Variants in SENP2 observed in about 807,000 individuals in gnomAD.
The protein encoded by SENP2 is SUMO specific peptidase 2, also known as sentrin-specific protease 2.
Under a neutral mutation model 86.3 loss-of-function variants are expected in SENP2, and 16 were observed. The observed-to-expected ratio is 0.19, with a 90% CI of 0.13 to 0.28. The LOEUF is 0.28. Among genes scored for constraint, SENP2 ranks in the 10% least tolerant of loss-of-function variants. SENP2 has a pLI of 1.00. For missense variants in SENP2, 552 were observed against 703.0 expected (o/e 0.79, Z 2.43); for synonymous variants, 222 against 238.7 (o/e 0.93, Z 0.64).
At position 185,586,475 on chromosome 3, in the gene SENP2, C is replaced by A. The variant is rs1307280835; in HGVS notation, c.62C>A (p.Pro21His). The A allele has an allele frequency of 2.5e-6, 4 of 1,613,890 alleles. No homozygotes were observed. The highest frequency in any genetic ancestry group is 3.4e-6 in the Non-Finnish European group (4 of 1,180,010). Residue 21 changes from proline to histidine, a missense_variant, in exon 1 of 17, where the codon CCC becomes CAC. Physicochemically the swap from Pro to His is moderately conservative, Grantham distance 77. This residue lies in a region of SENP2 where 383 missense variants were observed against 427.3 expected (regional missense o/e 0.90). Coordinates refer to ENST00000296257, the MANE Select transcript of SENP2 (RefSeq NM_021627.3). The surrounding 1 kb of genome is among the most constrained non-coding windows in gnomAD (Gnocchi z 4.3). ...TTCCGTTTCTGCGACCGGTCGGTGC[C>A]CCCTGCCCGGGCCCTCCTGAAGAGG... Reference protein sequence around the residue: ...TIFRFCDRSVPPARALLKRRR... With the variant: ...TIFRFCDRSVHPARALLKRRR...
intron 6 of SENP2, among the ~76,000 whole-genome samples, chr3:185,607,818 G>A (rs962362949): frequency 1.3e-5 from 2 of 152,148 alleles, no homozygotes; most frequent in Admixed American, 6.5e-5. Context: ...GAGCCACCGC[G>A]TCCAGTCATA....
chr3:185,629,643 G>T, intron 16 of SENP2, 139 bp from the exon 17 acceptor site: 4 of 745,286 alleles, frequency 5.4e-6, no homozygotes, highest in Non-Finnish European at 9.2e-6. Context: ...GGTTTTATAA[G>T]TATGTTCCAT....
intron 16 of SENP2, among the ~76,000 whole-genome samples, chr3:185,628,790 G>A (rs928645476): frequency 6.6e-6 from 1 of 152,342 alleles, no homozygotes; most frequent in East Asian, 1.9e-4. Flanking sequence ...ACAGGCGTGA[G>A]CCACCGCGCC....
intron 13 of SENP2, among the ~76,000 whole-genome samples, chr3:185,619,878 C>T (rs1287389484): frequency 6.6e-6 from 1 of 151,816 alleles, no homozygotes; most frequent in Admixed American, 6.6e-5. Context: ...CAGGCATGGT[C>T]CACCATGCTT....
intron 1 of SENP2, among the ~76,000 whole-genome samples, chr3:185,587,956 GTCTT>G (rs1721849962): frequency 6.9e-6 from 1 of 145,394 alleles, no homozygotes; most frequent in African/African-American, 2.6e-5. Flanking sequence ...GGCCAGGCTA[GTCTT>G]GAACTCCTGA....
chr3:185,587,648 G>A (rs1287312220), intron 1 of SENP2, among the ~76,000 whole-genome samples: 1 of 140,222 alleles, frequency 7.1e-6, no homozygotes, highest in Admixed American at 7.7e-5. Context: ...CTCACTGCAA[G>A]CTCTGCCTCC....
chr3:185,625,807 TA>T (rs1344850443), intron 15 of SENP2, among the ~76,000 whole-genome samples: 1 of 152,206 alleles, frequency 6.6e-6, no homozygotes, highest in Non-Finnish European at 1.5e-5. Context: ...TGGCCCTTTT[TA>T]AAATTGATAA....
At position 185,586,551 on chromosome 3, in the gene SENP2, A is replaced by T; in HGVS notation, c.101+37A>T. ...GGGGGCTGAGCGCCAGCCTGGCCTTACCCCCTCCCCCACAGCGGGCTCCTC... is the reference window on the plus strand; with the variant it reads ...GGGGGCTGAGCGCCAGCCTGGCCTTTCCCCCTCCCCCACAGCGGGCTCCTC... On this transcript the variant is annotated intron_variant, in intron 1 of 16. Coordinates refer to ENST00000296257, the MANE Select transcript of SENP2 (RefSeq NM_021627.3). The surrounding 1 kb of genome is among the most constrained non-coding windows in gnomAD (Gnocchi z 4.3). 1 of 1,576,036 alleles carries T rather than the reference A, an allele frequency of 6.3e-7. No homozygotes were observed. The highest frequency in any genetic ancestry group is 8.7e-7 in the Non-Finnish European group (1 of 1,152,256).
At chr3:185,600,183 A>G (rs1037361340) in intron 4 of SENP2, among the ~76,000 whole-genome samples, 1 of 152,186 alleles carries the variant, frequency 6.6e-6, no homozygotes, top group African/African-American at 2.4e-5. Flanking sequence ...ATATTTGTTT[A>G]GAATTGTTTA....
intron 13 of SENP2, among the ~76,000 whole-genome samples, chr3:185,621,215 CAGATAT>C (rs1291616306): frequency 1.3e-5 from 1 of 74,504 alleles, no homozygotes; most frequent in Non-Finnish European, 2.7e-5. Context: ...AAGAAAGATA[CAGATAT>C]AAAGAAAGCA....
intron 2 of SENP2, among the ~76,000 whole-genome samples, chr3:185,593,816 C>T (rs1229295124): frequency 1.3e-5 from 2 of 151,494 alleles, no homozygotes; most frequent in East Asian, 3.9e-4. Context: ...GCAACCTCCA[C>T]CTCCCAGGTT....
intron 13 of SENP2, among the ~76,000 whole-genome samples, chr3:185,621,398 T>C (rs934596724): frequency 7.3e-6 from 1 of 136,202 alleles, no homozygotes; most frequent in African/African-American, 2.7e-5. Context: ...TTTTTTTTTT[T>C]TTTTTTTTTT....
intron 11 of SENP2, among the ~76,000 whole-genome samples, chr3:185,616,695 A>AC (rs1204755862): frequency 1.4e-5 from 2 of 145,478 alleles, no homozygotes; most frequent in Non-Finnish European, 3.0e-5. Flanking sequence ...GAATGGCGTG[A>AC]CCCCGGGAGG....
chr3:185,630,023 G>A lies in SENP2; in HGVS notation c.*179G>A. On this transcript the variant is annotated 3_prime_UTR_variant, in exon 17 of 17. Transcript: ENST00000296257. ...GTCCTGACTTGGGGTGCAGAGGGCT[G>A]CTTGCAATCCTGTTTGTAAGGCTGT... is the stretch of plus-strand genomic sequence containing the variant. 1 of 607,718 alleles carries A rather than the reference G, an allele frequency of 1.6e-6. No homozygotes were observed. The highest frequency in any genetic ancestry group is 1.9e-5 in the South Asian group (1 of 52,832). 37.6% of individuals were successfully genotyped at this position (607,718 alleles called of 1,614,324 possible).
chr3:185,592,481 C>G (rs1357120028), intron 2 of SENP2, among the ~76,000 whole-genome samples: 1 of 152,148 alleles, frequency 6.6e-6, no homozygotes, highest in African/African-American at 2.4e-5. Flanking sequence ...GGGTCTACCT[C>G]CAGATGTGGT....
rs1342466056 is a variant in SENP2, at chr3:185,619,460, T to G, written c.1404T>G (p.Ile468Met). Residue 468 changes from isoleucine (I) to methionine (M), a missense_variant, in exon 13 of 17, where the codon ATT (isoleucine) becomes ATG (methionine). Around this residue, in one of 2 missense-constraint regions of SENP2, gnomAD observed 169 missense variants for 275.7 expected, o/e 0.61. Coordinates refer to ENST00000296257, the MANE Select transcript of SENP2 (RefSeq NM_021627.3). ...GGGTAAATCTCTTTGAACAAGAAAT[T>G]ATTCTGGTGCCTATTCATCGGAAGG... ...TKGVNLFEQE[I>M]ILVPIHRKVH... 6.2e-7 allele frequency: 1 copy of G among 1,613,990 alleles called. No homozygotes were observed. The highest frequency in any genetic ancestry group is 2.2e-5 in the East Asian group (1 of 44,876).
At chr3:185,617,948 T>C (rs960725723) in intron 12 of SENP2, among the ~76,000 whole-genome samples, 1 of 152,136 alleles carries the variant, frequency 6.6e-6, no homozygotes, top group Non-Finnish European at 1.5e-5. Context: ...TTTTTGTTTT[T>C]TGGTTTTGTT....
chr3:185,621,386 CTTTTTTT>C lies in SENP2; in HGVS notation c.1447-423_1447-417del, dbSNP rs1220771289. Among the ~76,000 whole-genome samples the C allele has an allele frequency of 1.3e-4, 10 of 78,768 alleles. No homozygotes were observed. The East Asian group carries it at 2.0e-3, about 16-fold the overall frequency. The allele number at this position is 78,768 out of a possible 152,430, so 51.7% of individuals were successfully genotyped here. A position where few individuals can be genotyped will look rare whatever the true frequency, so the allele number is the denominator to read the frequency against. ...AGTGGATATCGTTTTTCTTTTTTTTCTTTTTTTTTTTTTTTTTTTTTTTGAGACAGAG... is the reference window on the plus strand; with the variant it reads ...AGTGGATATCGTTTTTCTTTTTTTTCTTTTTTTTTTTTTTTTGAGACAGAG... On this transcript the variant is annotated intron_variant, in intron 13 of 16. Transcript: ENST00000296257.
chr3:185,628,395 C>G (rs948935234), intron 16 of SENP2, among the ~76,000 whole-genome samples: 2 of 152,184 alleles, frequency 1.3e-5, no homozygotes, highest in African/African-American at 4.8e-5. Flanking sequence ...CCTTGGCCTT[C>G]CAAAGTGCTG....
Sources: allele counts gnomAD v4.1 joint callset (sites outside exome capture counted in the v4.1 genomes callset), GRCh38; gene constraint gnomAD v4.1.1; regional missense constraint gnomAD v4.1.1; non-coding constraint Gnocchi (gnomAD v3.1); transcripts MANE v1.5; gene names NCBI Gene and HGNC (gene_info 2026-07-23, HGNC 2026-07-21).